The following HIP1 variants were observed in gnomAD, a reference collection of about 807,000 sequenced individuals.
HIP1 encodes huntingtin-interacting protein 1.
Under a neutral mutation model 147.6 loss-of-function variants are expected in HIP1, and 65 were observed. The observed-to-expected ratio is 0.44, with a 90% CI of 0.36 to 0.54. The LOEUF (loss-of-function observed/expected upper bound fraction) is 0.54. HIP1 is among the 20% of genes least tolerant of loss of function. The probability of loss-of-function intolerance (pLI) is 0.00; values close to 1 mark genes in which losing one functional copy is unlikely to be tolerated. For missense variants in HIP1, 1,061 were observed against 1,299.6 expected (o/e 0.82, Z 2.82); for synonymous variants, 479 against 504.0 (o/e 0.95, Z 0.67).
In HIP1 at chr7:75,573,899, A is replaced by G. The variant is rs1480713983; in HGVS notation, c.607T>C (p.Phe203Leu). Residue 203 changes from phenylalanine to leucine, a missense_variant and splice_region_variant, in exon 8 of 31, where the codon TTC becomes CTC. By Grantham distance (22) the Phe-to-Leu change is conservative. Coordinates refer to ENST00000336926, the MANE Select transcript of HIP1 (RefSeq NM_005338.7). ...ECELNLFQTV[F>L]NSLDMSRSVS... ...GAGCGGGACATGTCCAGGGAGTTGAATACTAGGAAATAAAAGTGAGGGAGA... is the reference window on the plus strand; with the variant it reads ...GAGCGGGACATGTCCAGGGAGTTGAGTACTAGGAAATAAAAGTGAGGGAGA... The G allele has an allele frequency of 6.2e-7, 1 of 1,609,966 alleles. No homozygotes were observed. Among genetic ancestry groups the G allele is most frequent in the African/African-American group, 1.3e-5 (1 of 74,964 alleles).
At chr7:75,631,244 G>A (rs587772433) in intron 1 of HIP1, among the ~76,000 whole-genome samples, 1 of 152,250 alleles carries the variant, frequency 6.6e-6, no homozygotes, top group African/African-American at 2.4e-5. Flanking sequence ...AAAGCACTGG[G>A]ATTACAGGCA....
rs782209630 is a variant in HIP1, at chr7:75,592,456, G to T, written c.243C>A (p.Asn81Lys). ...KGAQTFWSVV[N>K]RLPLSSNAVL... is the part of the protein sequence containing the mutation. ...CTGCGTTGCTAGACAGAGGCAGGCG[G>T]TTGACAACAGACCAGAAGGTCTGTG... The change falls in exon 3 of 31, where the codon AAC (asparagine) becomes AAA (lysine). Residue 81 changes from asparagine to lysine, a missense_variant. Transcript: ENST00000336926. 1 of 1,612,552 alleles carries T rather than the reference G, an allele frequency of 6.2e-7. No individual in the cohort carries two copies. The highest frequency in any genetic ancestry group is 1.7e-5 in the Admixed American group (1 of 59,094).
chr7:75,555,627 T>G (rs1794971930), intron 18 of HIP1, 76 bp from the exon 19 acceptor site: 1 of 1,493,164 alleles, frequency 6.7e-7, no homozygotes, highest in Non-Finnish European at 9.2e-7. Flanking sequence ...TGGCTGGGGC[T>G]CTTAGCATCT....
intron 1 of HIP1, among the ~76,000 whole-genome samples, chr7:75,622,793 T>C (rs944784163): frequency 6.6e-6 from 1 of 151,386 alleles, no homozygotes; most frequent in African/African-American, 2.4e-5. Flanking sequence ...TAGTGAGCTA[T>C]GACTGCGTTA....
At chr7:75,542,108 G>C (rs11762702) in intron 28 of HIP1, 128 bp from the exon 29 acceptor site, 658,431 of 762,966 alleles carry the variant, frequency 0.86, 289,121 homozygotes, top group Middle Eastern at 0.94. Flanking sequence ...ATGAAAGTAA[G>C]TGAGGGGGCC....
intron 1 of HIP1, among the ~76,000 whole-genome samples, chr7:75,666,000 T>C (rs1414702987): frequency 6.6e-6 from 1 of 152,120 alleles, no homozygotes; most frequent in Non-Finnish European, 1.5e-5. Flanking sequence ...AAGATCTATG[T>C]TACTCAGCGA....
intron 1 of HIP1, among the ~76,000 whole-genome samples, chr7:75,714,266 C>T (rs1036623378): frequency 8.6e-4 from 131 of 151,450 alleles, no homozygotes; most frequent in African/African-American, 3.1e-3. Context: ...TTTCGAACTC[C>T]TGGCCTCAGG....
At chr7:75,669,139 G>A (rs1306166783) in intron 1 of HIP1, among the ~76,000 whole-genome samples, 2 of 152,102 alleles carry the variant, frequency 1.3e-5, no homozygotes, top group African/African-American at 4.8e-5. Context: ...GCCGAGGCGG[G>A]TGGATCACGA....
intron 1 of HIP1, among the ~76,000 whole-genome samples, chr7:75,600,414 T>C (rs192597160): frequency 9.3e-4 from 141 of 152,122 alleles, no homozygotes; most frequent in Non-Finnish European, 5.3e-4. Flanking sequence ...CCCGGCCAAA[T>C]CATAACTCTT....
intron 1 of HIP1, among the ~76,000 whole-genome samples, chr7:75,629,440 G>A (rs1166255108): frequency 6.6e-6 from 1 of 152,150 alleles, no homozygotes; most frequent in African/African-American, 2.4e-5. Context: ...CCTGTGTGCA[G>A]CACCTCTCTC....
chr7:75,690,463 A>G (rs1800410423), intron 1 of HIP1, among the ~76,000 whole-genome samples: 1 of 152,220 alleles, frequency 6.6e-6, no homozygotes, highest in Non-Finnish European at 1.5e-5. Flanking sequence ...AAAACAGAAA[A>G]TAACAGGTGT....
At chr7:75,594,588 A>G (rs1270209604) in intron 2 of HIP1, among the ~76,000 whole-genome samples, 1 of 152,116 alleles carries the variant, frequency 6.6e-6, no homozygotes, top group Non-Finnish European at 1.5e-5. Context: ...AGCCTGGCCA[A>G]CATGGTGAAA....
chr7:75,568,625 A>G lies in HIP1; in HGVS notation c.746-369T>C, dbSNP rs1444949788. On this transcript the variant is annotated intron_variant, in intron 8 of 30. Coordinates refer to ENST00000336926, the MANE Select transcript of HIP1 (RefSeq NM_005338.7). The surrounding 1 kb of genome is among the most constrained non-coding windows in gnomAD (Gnocchi z 4.1). ...CAGTTCTTTCTCAGCTATTGCCTGC[A>G]TTTGTTTTAGGTTGAGGCTCAGGGC... is the stretch of plus-strand genomic sequence containing the variant. 2.6e-5 allele frequency among the ~76,000 whole-genome samples: 4 copies of G among 152,152 alleles called. No homozygotes were observed. The highest frequency in any genetic ancestry group is 5.9e-5 in the Non-Finnish European group (4 of 68,024).
chr7:75,659,101 GTCC>G, intron 1 of HIP1, among the ~76,000 whole-genome samples: 1 of 152,230 alleles, frequency 6.6e-6, no homozygotes, highest in African/African-American at 2.4e-5. Context: ...ATTTTGTCTC[GTCC>G]TACTTCTGGC....
chr7:75,644,981 G>A (rs1413191774), intron 1 of HIP1, among the ~76,000 whole-genome samples: 2 of 152,094 alleles, frequency 1.3e-5, no homozygotes, highest in African/African-American at 2.4e-5. Flanking sequence ...TCTTTCTGGG[G>A]GCATGATTAC....
chr7:75,675,739 GA>G (rs1300682849), intron 1 of HIP1, among the ~76,000 whole-genome samples: 1 of 152,030 alleles, frequency 6.6e-6, no homozygotes, highest in African/African-American at 2.4e-5. Flanking sequence ...AGGACATTGG[GA>G]GGTCACGGCA....
chr7:75,638,035 G>C (rs994578736), intron 1 of HIP1, among the ~76,000 whole-genome samples: 1 of 86,078 alleles, frequency 1.2e-5, no homozygotes, highest in African/African-American at 5.3e-5. Flanking sequence ...CACACACACA[G>C]CCCACGACAG....
rs112184352 is a variant in HIP1 at position 75,730,485 on chromosome 7, G to A, written c.120+8316C>T. Among the ~76,000 whole-genome samples the A allele has an allele frequency of 6.7e-3, 1,011 of 150,968 alleles. 17 individuals are homozygous for A. Among genetic ancestry groups the A allele is most frequent in the African/African-American group, 0.023 (938 of 41,090 alleles). ...CTCCCAAGTAGCTGGGATTACAGGC[G>A]CACGCCACCACGCCCAGCTAATTTT... is the stretch of plus-strand genomic sequence containing the variant. On this transcript the variant is annotated intron_variant, in intron 1 of 30. Transcript: ENST00000336926.
intron 1 of HIP1, among the ~76,000 whole-genome samples, chr7:75,616,109 AAAGAT>A (rs1797651318): frequency 1.3e-5 from 2 of 150,540 alleles, no homozygotes; most frequent in Non-Finnish European, 1.5e-5. Flanking sequence ...AAAAAAAAGA[AAAGAT>A]AAGAAAAGAA....
Sources: allele counts gnomAD v4.1 joint callset (sites outside exome capture counted in the v4.1 genomes callset), GRCh38; gene constraint gnomAD v4.1.1; non-coding constraint Gnocchi (gnomAD v3.1); transcripts MANE v1.5; gene names NCBI Gene and HGNC (gene_info 2026-07-23, HGNC 2026-07-21).